PKD1L1: variants seen among roughly 807,000 people sequenced by gnomAD.
PKD1L1 encodes polycystin-1-like protein 1.
PKD1L1 carries 236 observed loss-of-function variants against 323.4 expected under a neutral mutation model. The observed-to-expected ratio is 0.73, with a 90% CI of 0.66 to 0.81. PKD1L1 has a LOEUF of 0.81. PKD1L1 is among the 40% of genes least tolerant of loss of function. The pLI is 0.00. For missense variants in PKD1L1, 3,320 were observed against 3,508.0 expected, an observed-to-expected ratio of 0.95 and a Z score of 1.35; for synonymous variants, 1,344 against 1,335.0, an observed-to-expected ratio of 1.01 and a Z score of -0.15.
rs758340178 is a variant in PKD1L1 at position 47,890,683 on chromosome 7, G to A, written c.2534C>T (p.Ala845Val). The change falls in exon 16 of 57, where the codon GCG becomes GTG. Residue 845 changes from alanine to valine, a missense_variant. Coordinates refer to ENST00000289672, the MANE Select transcript of PKD1L1 (RefSeq NM_138295.5). ...TGCCTCAAAGGAAACAGTGGGAGCCGCGGCATCCAGTTGGTGTGCAGTGGA... is the reference window on the plus strand; with the variant it reads ...TGCCTCAAAGGAAACAGTGGGAGCCACGGCATCCAGTTGGTGTGCAGTGGA... ...DSSTAHQLDA[A>V]APTVSFEAQW... The A allele has an allele frequency of 6.8e-5, 110 of 1,613,826 alleles. No homozygotes were observed. The highest frequency in any genetic ancestry group is 2.9e-4 in the East Asian group (13 of 44,890).
At position 47,800,791 on chromosome 7, in the gene PKD1L1, T is replaced by A. The variant is rs1286722300; in HGVS notation, c.8051A>T (p.Asp2684Val). Residue 2684 changes from aspartate to valine, a missense_variant, in exon 54 of 57, where the codon GAC (aspartate) becomes GTC (valine). Physicochemically the swap from Asp to Val is radical, Grantham distance 152. Transcript: ENST00000289672. Reference sequence around the variant, plus strand: ...ATGAAACAGCAGCCCGGGGAAGGCGTCTGTGAAGGTGCCAGGTGGTAGAAC... The same window carrying A: ...ATGAAACAGCAGCCCGGGGAAGGCGACTGTGAAGGTGCCAGGTGGTAGAAC... ...MWVLPPGTFT[D>V]AFPGLLFHFP... 1.2e-6 allele frequency: 2 copies of A among 1,613,974 alleles called. No homozygotes were observed.
At chr7:47,897,322 T>A (rs564588397) in intron 14 of PKD1L1, among the ~76,000 whole-genome samples, 6 of 152,288 alleles carry the variant, frequency 3.9e-5, no homozygotes, top group African/African-American at 1.2e-4. Flanking sequence ...GGGTCCCTGA[T>A]CAGGTTCCCG....
chr7:47,945,130 C>T (rs920983670), intron 1 of PKD1L1, among the ~76,000 whole-genome samples: 4 of 152,312 alleles, frequency 2.6e-5, no homozygotes, highest in East Asian at 1.9e-4. Flanking sequence ...ACCTACTTCA[C>T]GGGGCTGCTG....
intron 26 of PKD1L1, among the ~76,000 whole-genome samples, chr7:47,864,148 G>C (rs946788607): frequency 6.6e-6 from 1 of 152,190 alleles, no homozygotes; most frequent in African/African-American, 2.4e-5. Flanking sequence ...ACCCATGCAG[G>C]CTAGGCGTTG....
chr7:47,813,168 C>A lies in PKD1L1; in HGVS notation c.7299G>T (p.Gly2433=). 2 of 1,614,132 alleles carry A rather than the reference C, an allele frequency of 1.2e-6. No homozygotes were observed. Among genetic ancestry groups the A allele is most frequent in the Non-Finnish European group, 1.7e-6 (2 of 1,180,026 alleles). The change falls in exon 49 of 57, where the codon GGG becomes GGT. Residue 2433 remains glycine (G), a synonymous_variant. Coordinates refer to ENST00000289672, the MANE Select transcript of PKD1L1 (RefSeq NM_138295.5). Reference sequence around the variant, plus strand: ...CACAGTCCTCCCTTGTCCCACAGCCCCCAGGACCATTCAGGGTCACGTTTT... The same window carrying A: ...CACAGTCCTCCCTTGTCCCACAGCCACCAGGACCATTCAGGGTCACGTTTT... ...ENQNVTLNGP[G]GCGTREDCVL...
At chr7:47,852,060 G>A (rs560203074) in intron 31 of PKD1L1, among the ~76,000 whole-genome samples, 3 of 152,186 alleles carry the variant, frequency 2.0e-5, no homozygotes, top group African/African-American at 7.2e-5. Context: ...AGTTTTGTAG[G>A]GAATGCCCTT....
chr7:47,888,439 G>C (rs751235746), intron 16 of PKD1L1, among the ~76,000 whole-genome samples: 10 of 152,216 alleles, frequency 6.6e-5, no homozygotes, highest in Non-Finnish European at 1.5e-4. Flanking sequence ...ACAGCGGTGA[G>C]GGCAGAGCTG....
Position 47,931,111 on chromosome 7 carries a change from G to A in PKD1L1, c.730C>T (p.Pro244Ser), listed in dbSNP as rs750614494. The change falls in exon 6 of 57, where the codon CCC becomes TCC. Residue 244 changes from proline (P) to serine (S), a missense_variant. Physicochemically the swap from Pro to Ser is moderately conservative, Grantham distance 74. Coordinates refer to ENST00000289672, the MANE Select transcript of PKD1L1 (RefSeq NM_138295.5). The stretch of plus-strand genomic sequence containing the variant: ...ATACCTCCTTCACCGTACCTTCTGG[G>A]AGAAGTGGGAAAATGTGAAATCGGC... ...LWPISHFPTSPRSSHGLPPGI... is the reference protein window; with the variant it reads ...LWPISHFPTSSRSSHGLPPGI... 2 of 1,613,768 alleles carry A rather than the reference G, an allele frequency of 1.2e-6. No homozygotes were observed. The highest frequency in any genetic ancestry group is 1.7e-5 in the Admixed American group (1 of 60,002).
chr7:47,795,375 C>T (rs1784497855), intron 55 of PKD1L1: 1 of 455,062 alleles, frequency 2.2e-6, no homozygotes, highest in Non-Finnish European at 4.4e-6. Flanking sequence ...TTTTCTCTTG[C>T]CACCACCATG....
In PKD1L1 at chr7:47,842,822, G is replaced by GGCGGGCAAGCCACT. The variant is rs1290110926; in HGVS notation, c.5445+139_5445+140insAGTGGCTTGCCCGC. 1.7e-5 allele frequency: 13 copies of GGCGGGCAAGCCACT among 764,304 alleles called. No homozygotes were observed. In the Admixed American group the frequency reaches 2.3e-4, roughly 14 times the overall value. The allele number at this position is 764,304 out of a possible 1,614,324, so 47.3% of individuals were successfully genotyped here. Reference sequence around the variant, plus strand: ...CAGGCCAAGGGAGGGCAGTGGAAAGGGCGGGCAAGCTTTGCCTCAGCAATG... The same window carrying GGCGGGCAAGCCACT: ...CAGGCCAAGGGAGGGCAGTGGAAAGGGCGGGCAAGCCACTGCGGGCAAGCTTTGCCTCAGCAATG... On this transcript the variant is annotated intron_variant, in intron 34 of 56. Coordinates refer to ENST00000289672, the MANE Select transcript of PKD1L1 (RefSeq NM_138295.5).
intron 14 of PKD1L1, among the ~76,000 whole-genome samples, chr7:47,894,378 G>A (rs564994127): frequency 7.9e-5 from 12 of 152,290 alleles, no homozygotes; most frequent in Non-Finnish European, 1.8e-4. Flanking sequence ...TCCCTCCACA[G>A]TGAATTGTTC....
At position 47,813,301 on chromosome 7, in the gene PKD1L1, A is replaced by G. The variant is rs1784942446; in HGVS notation, c.7174-8T>C. ...TGAAAATGGCCTGGGAGGCTGCAGA[A>G]CAAACCAGCAGTCAGAAGACACAGA... On this transcript the variant is annotated splice_polypyrimidine_tract_variant and splice_region_variant and intron_variant, in intron 48 of 56. Transcript: ENST00000289672. The G allele has an allele frequency of 6.2e-7, 1 of 1,613,764 alleles. No individual in the cohort carries two copies. Among genetic ancestry groups the G allele is most frequent in the African/African-American group, 1.3e-5 (1 of 74,922 alleles).
chr7:47,800,100 G>C (rs1784626406), intron 54 of PKD1L1, among the ~76,000 whole-genome samples: 1 of 152,180 alleles, frequency 6.6e-6, no homozygotes, highest in African/African-American at 2.4e-5. Flanking sequence ...CCCAAGTCCA[G>C]GCAATAGGAC....
chr7:47,849,699 GTGT>G, intron 31 of PKD1L1, among the ~76,000 whole-genome samples: 1 of 151,958 alleles, frequency 6.6e-6, no homozygotes, highest in East Asian at 1.9e-4. Context: ...GATTTTGGTT[GTGT>G]ATGTGGTGAA....
intron 13 of PKD1L1, among the ~76,000 whole-genome samples, chr7:47,901,198 C>T (rs2128750440): frequency 1.3e-5 from 2 of 151,748 alleles, no homozygotes; most frequent in East Asian, 3.9e-4. Flanking sequence ...ATTAGCTACG[C>T]ATGGTGGTGC....
chr7:47,829,617 T>G lies in PKD1L1; in HGVS notation c.6559-16A>C. On this transcript the variant is annotated splice_polypyrimidine_tract_variant and intron_variant, in intron 43 of 56. Transcript: ENST00000289672. ...TGAGGCATACCTGGAAGGAAAAACA[T>G]GACAGCGCAGAGAGCCGCCCTATGT... is the stretch of plus-strand genomic sequence containing the variant. 6.3e-7 allele frequency: 1 copy of G among 1,597,666 alleles called. No homozygotes were observed.
chr7:47,909,822 G>A (rs1056769829), intron 8 of PKD1L1, among the ~76,000 whole-genome samples: 1 of 152,166 alleles, frequency 6.6e-6, no homozygotes, highest in Non-Finnish European at 1.5e-5. Context: ...GAAGAAAAAA[G>A]GGAATGATCT....
intron 15 of PKD1L1, among the ~76,000 whole-genome samples, chr7:47,893,061 C>T (rs1428136950): frequency 6.6e-6 from 1 of 151,392 alleles, no homozygotes. Context: ...TGAAACCCAT[C>T]TCTACTAAAA....
intron 16 of PKD1L1, among the ~76,000 whole-genome samples, chr7:47,888,848 C>T (rs576350402): frequency 2.0e-5 from 3 of 152,178 alleles, no homozygotes; most frequent in Admixed American, 1.3e-4. Flanking sequence ...CATAATATCT[C>T]GGGGGTGGTT....
Sources: allele counts gnomAD v4.1 joint callset (sites outside exome capture counted in the v4.1 genomes callset), GRCh38; gene constraint gnomAD v4.1.1; transcripts MANE v1.5; gene names NCBI Gene and HGNC (gene_info 2026-07-23, HGNC 2026-07-21).